Variants in GALR1 observed in about 807,000 individuals in gnomAD.
The protein encoded by GALR1 is galanin receptor type 1.
In GALR1, 11 loss-of-function variants were observed where a neutral mutation model predicts 17.9. The observed-to-expected ratio is 0.62, with a 90% confidence interval of 0.39 to 1.02. GALR1 has a LOEUF of 1.02. Among genes scored for constraint, GALR1 ranks in the 50% least tolerant of loss-of-function variants. The probability of loss-of-function intolerance (pLI) is 0.01; values close to 1 mark genes in which losing one functional copy is unlikely to be tolerated. For missense variants in GALR1, 441 were observed against 456.9 expected (o/e 0.97, Z 0.32); for synonymous variants, 206 against 205.7 (o/e 1.00, Z -0.01).
At position 77,268,714 on chromosome 18, in the gene GALR1, G is replaced by T. The variant is rs149816752; in HGVS notation, c.862G>T (p.Ala288Ser). Residue 288 changes from alanine to serine, a missense_variant, in exon 3 of 3, where the codon GCC (alanine) becomes TCC (serine). Coordinates refer to ENST00000299727, the MANE Select transcript of GALR1 (RefSeq NM_001480.4). ...GGCTTCCTTCCTCTTCAGAATCACC[G>T]CCCACTGCCTGGCGTACAGCAATTC... ...TPASFLFRIT[A>S]HCLAYSNSSV... 2 of 1,614,014 alleles carry T rather than the reference G, an allele frequency of 1.2e-6. No homozygotes were observed. Among genetic ancestry groups the T allele is most frequent in the Non-Finnish European group, 1.7e-6 (2 of 1,180,012 alleles).
intron 2 of GALR1, among the ~76,000 whole-genome samples, chr18:77,259,163 ATGG>A (rs1408317396): frequency 0.023 from 51 of 2,210 alleles, 20 homozygotes; most frequent in Non-Finnish European, 0.17. Context: ...GGTGGTGATG[ATGG>A]TGGTGATGAT....
rs1221416292 is a variant in GALR1 at position 77,277,398 on chromosome 18, G to C, written c.*8496G>C. 6.6e-6 allele frequency: 1 copy of C among 152,162 alleles called. No homozygotes were observed. Among genetic ancestry groups the C allele is most frequent in the African/African-American group, 2.4e-5 (1 of 41,430 alleles). The allele number at this position is 152,162 out of a possible 1,614,324, so 9.4% of individuals were successfully genotyped here. A position where few individuals can be genotyped will look rare whatever the true frequency, so the allele number is the denominator to read the frequency against. ...CTCAGGAGATCTGATGGTTTTATAAGCATCTAGCATTTCCCCTGCTGGTAC... is the reference window on the plus strand; with the variant it reads ...CTCAGGAGATCTGATGGTTTTATAACCATCTAGCATTTCCCCTGCTGGTAC... On this transcript the variant is annotated 3_prime_UTR_variant, in exon 3 of 3. Coordinates refer to ENST00000299727, the MANE Select transcript of GALR1 (RefSeq NM_001480.4).
rs1913055960 is a variant in GALR1, at chr18:77,271,246, A to AACCCCCCC, written c.*2344_*2345insACCCCCCC. 2.6e-5 allele frequency: 2 copies of AACCCCCCC among 77,952 alleles called. No homozygotes were observed. The highest frequency in any genetic ancestry group is 4.2e-5 in the African/African-American group (1 of 23,776). The allele number at this position is 77,952 out of a possible 1,614,324, so 4.8% of individuals were successfully genotyped here. ...CAAAAAGTAATAGCTTGCGCTTGAA[A>AACCCCCCC]CCCCCCCCCCCCCGCCACTTTGCTA... On this transcript the variant is annotated 3_prime_UTR_variant, in exon 3 of 3. Coordinates refer to ENST00000299727, the MANE Select transcript of GALR1 (RefSeq NM_001480.4).
chr18:77,262,000 A>C (rs1005718802), intron 2 of GALR1, among the ~76,000 whole-genome samples: 2 of 151,994 alleles, frequency 1.3e-5, no homozygotes, highest in African/African-American at 4.8e-5. Context: ...AGTTATTTGA[A>C]AACATTTTTT....
At chr18:77,260,245 C>G (rs980445390) in intron 2 of GALR1, among the ~76,000 whole-genome samples, 7 of 152,174 alleles carry the variant, frequency 4.6e-5, no homozygotes, top group African/African-American at 1.7e-4. Flanking sequence ...CATAGATGGC[C>G]CCTTCTCTCT....
chr18:77,268,076 C>T (rs912513617), intron 2 of GALR1, among the ~76,000 whole-genome samples: 1 of 152,124 alleles, frequency 6.6e-6, no homozygotes, highest in Non-Finnish European at 1.5e-5. Flanking sequence ...TGAAACACAT[C>T]GCTGCATCAA....
At chr18:77,254,036 C>G (rs1912529544) in intron 1 of GALR1, 1 of 152,192 alleles carries the variant, frequency 6.6e-6, no homozygotes, top group Admixed American at 6.5e-5. Flanking sequence ...GAATTACTGT[C>G]CAGAATCTCC....
intron 1 of GALR1, among the ~76,000 whole-genome samples, chr18:77,254,234 T>C (rs1184605499): frequency 6.6e-6 from 1 of 152,204 alleles, no homozygotes; most frequent in Non-Finnish European, 1.5e-5. Context: ...CGTCATACCC[T>C]ATCATGGTAC....
rs920840002 is a variant in GALR1, at chr18:77,275,356, C to A, written c.*6454C>A. On this transcript the variant is annotated 3_prime_UTR_variant, in exon 3 of 3. Transcript: ENST00000299727. ...GTTGGATGGAGTTGTGATGGGTGTG[C>A]CTCCCTCGGACTTACTCTGGCCAGG... is the stretch of plus-strand genomic sequence containing the variant. 11 of 152,244 alleles carry A rather than the reference C, an allele frequency of 7.2e-5. No homozygotes were observed. Among genetic ancestry groups the A allele is most frequent in the Admixed American group, 3.9e-4 (6 of 15,268 alleles). The allele number at this position is 152,244 out of a possible 1,614,324, so 9.4% of individuals were successfully genotyped here. A position where few individuals can be genotyped will look rare whatever the true frequency, so the allele number is the denominator to read the frequency against.
At position 77,268,783 on chromosome 18, in the gene GALR1, A is replaced by C. The variant is rs771160406; in HGVS notation, c.931A>C (p.Arg311=). Residue 311 remains arginine, a synonymous_variant, in exon 3 of 3, where the codon AGG becomes CGG. Coordinates refer to ENST00000299727, the MANE Select transcript of GALR1 (RefSeq NM_001480.4). The part of the protein sequence containing the change: ...IIYAFLSENF[R]KAYKQVFKCH... ...TTATGCATTTCTCTCTGAAAATTTC[A>C]GGAAGGCCTATAAACAAGTGTTCAA... 6.2e-7 allele frequency: 1 copy of C among 1,614,060 alleles called. No homozygotes were observed. The highest frequency in any genetic ancestry group is 8.5e-7 in the Non-Finnish European group (1 of 1,179,904).
chr18:77,261,926 A>T (rs1912838291), intron 2 of GALR1, among the ~76,000 whole-genome samples: 2 of 152,100 alleles, frequency 1.3e-5, no homozygotes, highest in East Asian at 1.9e-4. Flanking sequence ...TGGGCTCAAG[A>T]GATCCTCCCA....
Position 77,271,898 on chromosome 18 carries a change from C to T in GALR1, c.*2996C>T, listed in dbSNP as rs114434842. 261 of 152,268 alleles carry T rather than the reference C, an allele frequency of 1.7e-3. No homozygotes were observed. Among genetic ancestry groups the T allele is most frequent in the African/African-American group, 6.1e-3 (252 of 41,548 alleles). 9.4% of individuals were successfully genotyped at this position (152,268 alleles called of 1,614,324 possible). ...ATGAATACAGTGATGTGGATGGAAACGTTTTCTTGTCCTATATCCTGGGGA... is the reference window on the plus strand; with the variant it reads ...ATGAATACAGTGATGTGGATGGAAATGTTTTCTTGTCCTATATCCTGGGGA... On this transcript the variant is annotated 3_prime_UTR_variant, in exon 3 of 3. Transcript: ENST00000299727.
intron 1 of GALR1, among the ~76,000 whole-genome samples, chr18:77,252,971 T>TCACCACCACCACCACCATCACCAC (rs1912492036): frequency 4.3e-5 from 1 of 23,170 alleles, no homozygotes; most frequent in African/African-American, 1.8e-4. Context: ...ACCACCACCA[T>TCACCACCACCACCACCATCACCAC]CACCACCATC....
chr18:77,255,763 C>A (rs1452873510), intron 1 of GALR1, among the ~76,000 whole-genome samples: 2 of 152,182 alleles, frequency 1.3e-5, no homozygotes, highest in Non-Finnish European at 2.9e-5. Context: ...TTGTGCCTGA[C>A]ATGTAGCAGG....
rs1913043883 is a variant in GALR1 at position 77,270,566 on chromosome 18, T to C, written c.*1664T>C. The C allele has an allele frequency of 6.8e-6, 1 of 147,268 alleles. No individual in the cohort carries two copies. The highest frequency in any genetic ancestry group is 1.5e-5 in the Non-Finnish European group (1 of 65,684). 9.1% of individuals were successfully genotyped at this position (147,268 alleles called of 1,614,324 possible). On this transcript the variant is annotated 3_prime_UTR_variant, in exon 3 of 3. Transcript: ENST00000299727. ...TGTGTGTGTGTGTGTGTGTGTGTAA[T>C]GTACCTCTGTGCCAAATCAGCACTC...
In GALR1 at chr18:77,271,246, A is replaced by AACCCCCCCC. The variant is rs1913055960; in HGVS notation, c.*2344_*2345insACCCCCCCC. 1.3e-5 allele frequency: 1 copy of AACCCCCCCC among 77,954 alleles called. No individual in the cohort carries two copies. The highest frequency in any genetic ancestry group is 2.8e-5 in the Non-Finnish European group (1 of 35,092). The allele number at this position is 77,954 out of a possible 1,614,324, so 4.8% of individuals were successfully genotyped here. ...CAAAAAGTAATAGCTTGCGCTTGAA[A>AACCCCCCCC]CCCCCCCCCCCCCGCCACTTTGCTA... On this transcript the variant is annotated 3_prime_UTR_variant, in exon 3 of 3. Coordinates refer to ENST00000299727, the MANE Select transcript of GALR1 (RefSeq NM_001480.4).
In GALR1 at chr18:77,271,253, CCCCCCCG is replaced by C. The variant is rs1568145526; in HGVS notation, c.*2354_*2360del. 2 of 128,736 alleles carry C rather than the reference CCCCCCCG, an allele frequency of 1.6e-5. No homozygotes were observed. Among genetic ancestry groups the C allele is most frequent in the African/African-American group, 5.6e-5 (2 of 35,704 alleles). The allele number at this position is 128,736 out of a possible 1,614,324, so 8.0% of individuals were successfully genotyped here. A position where few individuals can be genotyped will look rare whatever the true frequency, so the allele number is the denominator to read the frequency against. On this transcript the variant is annotated 3_prime_UTR_variant, in exon 3 of 3. Transcript: ENST00000299727. ...TAATAGCTTGCGCTTGAAACCCCCCCCCCCCCGCCACTTTGCTAAATGTAAATGCTAA... is the reference window on the plus strand; with the variant it reads ...TAATAGCTTGCGCTTGAAACCCCCCCCCACTTTGCTAAATGTAAATGCTAA...
At position 77,274,386 on chromosome 18, in the gene GALR1, A is replaced by C. The variant is rs1913116641; in HGVS notation, c.*5484A>C. 6.6e-6 allele frequency: 1 copy of C among 152,216 alleles called. No individual in the cohort carries two copies. The highest frequency in any genetic ancestry group is 1.5e-5 in the Non-Finnish European group (1 of 68,112). 9.4% of individuals were successfully genotyped at this position (152,216 alleles called of 1,614,324 possible). ...GGTGCCACCCAGGCTCTGCAGGCAA[A>C]GCTCTCAGGGCCCCATTTGTGTTTG... On this transcript the variant is annotated 3_prime_UTR_variant, in exon 3 of 3. Coordinates refer to ENST00000299727, the MANE Select transcript of GALR1 (RefSeq NM_001480.4).
At chr18:77,258,241 C>T (rs1359651050) in intron 2 of GALR1, among the ~76,000 whole-genome samples, 2 of 152,084 alleles carry the variant, frequency 1.3e-5, no homozygotes, top group Non-Finnish European at 2.9e-5. Flanking sequence ...TATGTGCTTA[C>T]ATATATACAT....
Sources: allele counts gnomAD v4.1 joint callset (sites outside exome capture counted in the v4.1 genomes callset), GRCh38; gene constraint gnomAD v4.1.1; transcripts MANE v1.5; gene names NCBI Gene and HGNC (gene_info 2026-07-23, HGNC 2026-07-21).